Variants in RAPGEF6 observed in about 807,000 individuals in gnomAD.
The protein encoded by RAPGEF6 is PDZ domain containing guanine nucleotide exchange factor (GEF) 2.
A neutral mutation model predicts 171.4 loss-of-function variants in RAPGEF6; 56 were observed. That is an observed-to-expected ratio of 0.33 (90% CI 0.26 to 0.41). The LOEUF is 0.41. Ranked by LOEUF, RAPGEF6 falls within the 10% of genes least tolerant of loss-of-function variation. The pLI, the probability that RAPGEF6 is intolerant of heterozygous loss-of-function variation, is 1.00. For missense variants in RAPGEF6, 1,674 were observed against 1,921.4 expected, an observed-to-expected ratio of 0.87 and a Z score of 2.41; for synonymous variants, 692 against 650.1, an observed-to-expected ratio of 1.06 and a Z score of -0.98.
intron 13 of RAPGEF6, among the ~76,000 whole-genome samples, chr5:131,494,767 AATAG>A (rs1439992694): frequency 1.4e-5 from 1 of 71,954 alleles, no homozygotes; most frequent in Non-Finnish European, 3.0e-5. Context: ...AGCAGATTAT[AATAG>A]ATCAGATATA....
intron 1 of RAPGEF6, among the ~76,000 whole-genome samples, chr5:131,614,417 C>A (rs1202668075): frequency 2.6e-5 from 4 of 151,692 alleles, no homozygotes; most frequent in African/African-American, 4.8e-5. Context: ...CCTCAGGAAA[C>A]TTAAAATCAT....
chr5:131,603,962 T>C (rs1764399847), intron 2 of RAPGEF6, among the ~76,000 whole-genome samples: 1 of 152,090 alleles, frequency 6.6e-6, no homozygotes, highest in East Asian at 1.9e-4. Context: ...AAATATTATA[T>C]AGTTAAGTGT....
At chr5:131,510,844 G>C (rs1424591043) in intron 7 of RAPGEF6, among the ~76,000 whole-genome samples, 2 of 152,140 alleles carry the variant, frequency 1.3e-5, no homozygotes, top group African/African-American at 4.8e-5. Flanking sequence ...GAAAGAAAAA[G>C]TTTACCAACA....
intron 1 of RAPGEF6, 107 bp downstream of exon 1, chr5:131,634,855 A>G (rs1766537335): frequency 6.4e-6 from 8 of 1,246,214 alleles, no homozygotes; most frequent in Non-Finnish European, 8.2e-6. Flanking sequence ...GATTCCCAGT[A>G]GCAGGTGCGA....
intron 5 of RAPGEF6, among the ~76,000 whole-genome samples, chr5:131,554,558 T>C (rs2149957711): frequency 6.6e-6 from 1 of 152,344 alleles, no homozygotes. Flanking sequence ...CTCACCCTGT[T>C]GCCCAGGCTG....
chr5:131,525,339 A>G (rs1439761504), intron 6 of RAPGEF6, among the ~76,000 whole-genome samples: 2 of 152,196 alleles, frequency 1.3e-5, no homozygotes, highest in African/African-American at 4.8e-5. Context: ...CACGCAAATA[A>G]GGTAGAAATA....
chr5:131,546,582 C>T (rs1760553762), intron 6 of RAPGEF6, among the ~76,000 whole-genome samples: 1 of 148,608 alleles, frequency 6.7e-6, no homozygotes, highest in South Asian at 2.1e-4. Flanking sequence ...CCAGCCTGGG[C>T]AAGAGAGCGA....
intron 1 of RAPGEF6, among the ~76,000 whole-genome samples, chr5:131,628,286 T>A (rs4706031): frequency 0.67 from 100,036 of 149,590 alleles, 33,979 homozygotes; most frequent in Non-Finnish European, 0.77. Context: ...AAAAATGATT[T>A]AAAAAAAAAA....
In RAPGEF6 at chr5:131,521,524, GAA is replaced by G. The variant is rs750658751; in HGVS notation, c.496-5_496-4del. 2 of 1,489,218 alleles carry G rather than the reference GAA, an allele frequency of 1.3e-6. No individual in the cohort carries two copies. The highest frequency in any genetic ancestry group is 1.8e-6 in the Non-Finnish European group (2 of 1,101,618). 92.3% of individuals were successfully genotyped at this position (1,489,218 alleles called of 1,614,324 possible). ...ATCTTGGTAAGATCAGCTGGAAGCTGAAAAAAAAAATAATTTAAGTTATTCTA... is the reference window on the plus strand; with the variant it reads ...ATCTTGGTAAGATCAGCTGGAAGCTGAAAAAAAATAATTTAAGTTATTCTA... On this transcript the variant is annotated splice_region_variant and splice_polypyrimidine_tract_variant and intron_variant, in intron 6 of 27. Coordinates refer to ENST00000509018, the MANE Select transcript of RAPGEF6 (RefSeq NM_016340.6).
intron 2 of RAPGEF6, among the ~76,000 whole-genome samples, chr5:131,604,310 A>C (rs1247660008): frequency 6.6e-6 from 1 of 152,194 alleles, no homozygotes; most frequent in African/African-American, 2.4e-5. Context: ...GAAATACTTC[A>C]ACAAAGATAC....
At chr5:131,542,095 C>G (rs1040573573) in intron 6 of RAPGEF6, among the ~76,000 whole-genome samples, 4 of 152,168 alleles carry the variant, frequency 2.6e-5, no homozygotes, top group African/African-American at 7.2e-5. Context: ...TTTTAATTGT[C>G]TGATTGTTCT....
At chr5:131,575,844 A>T (rs1175186075) in intron 4 of RAPGEF6, among the ~76,000 whole-genome samples, 2 of 152,066 alleles carry the variant, frequency 1.3e-5, no homozygotes, top group African/African-American at 4.8e-5. Flanking sequence ...TATCCAAATA[A>T]CTTAACCTCA....
At chr5:131,600,693 A>G (rs1389883000) in intron 3 of RAPGEF6, among the ~76,000 whole-genome samples, 5 of 152,114 alleles carry the variant, frequency 3.3e-5, no homozygotes, top group African/African-American at 9.7e-5. Context: ...GTTTCTCATT[A>G]AATTTAAAAT....
chr5:131,508,123 A>G lies in RAPGEF6; in HGVS notation c.890T>C (p.Ile297Thr), dbSNP rs1757483842. The G allele has an allele frequency of 2.5e-6, 4 of 1,613,398 alleles. No individual in the cohort carries two copies. The highest frequency in any genetic ancestry group is 1.3e-5 in the African/African-American group (1 of 74,896). Residue 297 changes from isoleucine (I) to threonine (T), a missense_variant, in exon 9 of 28, where the codon ATT becomes ACT. Ile to Thr is a moderately conservative substitution (Grantham distance 89, BLOSUM62 -1). Coordinates refer to ENST00000509018, the MANE Select transcript of RAPGEF6 (RefSeq NM_016340.6). ...SVRRELCSVM[I>T]FEVVEQAGAI... ...TCCAGCCTGCTCTACCACTTCAAAA[A>G]TCATCACTGAGCAGAGTTCTCTCCT...
At chr5:131,450,001 T>C (rs1244540030) in intron 21 of RAPGEF6, 3 of 1,534,424 alleles carry the variant, frequency 2.0e-6, no homozygotes, top group Non-Finnish European at 1.7e-6. Context: ...TTCATTCCAG[T>C]TGCGTTCATC....
At chr5:131,579,905 T>C (rs979209702) in intron 4 of RAPGEF6, among the ~76,000 whole-genome samples, 5 of 152,194 alleles carry the variant, frequency 3.3e-5, no homozygotes, top group African/African-American at 1.2e-4. Context: ...TTGGTACATT[T>C]ACAATCCTGT....
chr5:131,601,010 GAGTCT>G (rs1399338989), intron 3 of RAPGEF6, among the ~76,000 whole-genome samples: 1 of 151,228 alleles, frequency 6.6e-6, no homozygotes, highest in Non-Finnish European at 1.5e-5. Flanking sequence ...TAATCCTCGG[GAGTCT>G]GAAGCAGGAG....
In RAPGEF6 at chr5:131,439,902, T is replaced by G. The variant is rs1371167674; in HGVS notation, c.3611-187A>C. Reference sequence around the variant, plus strand: ...ACAGAGATTCTCACCTCTAGGTTATTCATTCAAATTCAGCTGGTCAGCATG... The same window carrying G: ...ACAGAGATTCTCACCTCTAGGTTATGCATTCAAATTCAGCTGGTCAGCATG... On this transcript the variant is annotated intron_variant, in intron 23 of 27. Transcript: ENST00000509018. 4.9e-6 allele frequency: 5 copies of G among 1,016,054 alleles called. No homozygotes were observed. The East Asian group carries it at 1.3e-4, about 27-fold the overall frequency. The allele number at this position is 1,016,054 out of a possible 1,614,324, so 62.9% of individuals were successfully genotyped here. A position where few individuals can be genotyped will look rare whatever the true frequency, so the allele number is the denominator to read the frequency against.
At chr5:131,622,429 A>T (rs1765646824) in intron 1 of RAPGEF6, among the ~76,000 whole-genome samples, 1 of 152,186 alleles carries the variant, frequency 6.6e-6, no homozygotes, top group African/African-American at 2.4e-5. Context: ...ATTTGACTTT[A>T]CCTTGGACCA....
Sources: gnomAD v4.1 joint callset for allele counts (sites outside exome capture counted in the v4.1 genomes callset) on GRCh38, gnomAD v4.1.1 for gene constraint, MANE v1.5 for transcripts, NCBI Gene and HGNC (gene_info 2026-07-23, HGNC 2026-07-21) for gene names.